Variants in DAPK2 observed in about 807,000 individuals in gnomAD.
DAPK2 encodes the protein death associated protein kinase 2.
A neutral mutation model predicts 44.1 loss-of-function variants in DAPK2; 35 were observed. The observed-to-expected ratio is 0.79, with a 90% CI of 0.61 to 1.05. The LOEUF (loss-of-function observed/expected upper bound fraction) is 1.05, where lower values mean the gene tolerates loss of function less well. Ranked by LOEUF, DAPK2 falls within the 50% of genes least tolerant of loss-of-function variation. DAPK2 has a pLI of 0.00. For missense variants in DAPK2, 453 were observed against 483.2 expected (o/e 0.94, Z 0.59); for synonymous variants, 174 against 182.6 (o/e 0.95, Z 0.38).
At chr15:63,969,599 G>A (rs980126275) in intron 3 of DAPK2, among the ~76,000 whole-genome samples, 2 of 152,126 alleles carry the variant, frequency 1.3e-5, no homozygotes, top group Non-Finnish European at 2.9e-5. Context: ...AAATTAGCCA[G>A]GTATGGTGGC....
At chr15:64,006,972 C>T (rs1464883930) in intron 1 of DAPK2, among the ~76,000 whole-genome samples, 1 of 152,214 alleles carries the variant, frequency 6.6e-6, no homozygotes, top group African/African-American at 2.4e-5. Context: ...AACCTTAACT[C>T]GGAAAAACCT....
intron 1 of DAPK2, among the ~76,000 whole-genome samples, chr15:64,021,782 T>C (rs2079690311): frequency 6.6e-6 from 1 of 152,022 alleles, no homozygotes; most frequent in African/African-American, 2.4e-5. Flanking sequence ...AGAGGAAGTA[T>C]TTTCACTGGA....
At chr15:64,033,813 CAGA>C (rs2080098556) in intron 1 of DAPK2, among the ~76,000 whole-genome samples, 1 of 151,596 alleles carries the variant, frequency 6.6e-6, no homozygotes, top group Non-Finnish European at 1.5e-5. Context: ...GAGGCTGAGG[CAGA>C]AGAATGGTGT....
intron 1 of DAPK2, among the ~76,000 whole-genome samples, chr15:64,002,878 GGGA>G (rs1451881225): frequency 4.6e-5 from 7 of 151,830 alleles, no homozygotes; most frequent in Non-Finnish European, 1.0e-4. Flanking sequence ...CAGCAGCAGA[GGGA>G]GGAGGAGAGA....
At chr15:63,987,594 C>T (rs1170863048) in intron 1 of DAPK2, among the ~76,000 whole-genome samples, 1 of 150,272 alleles carries the variant, frequency 6.7e-6, no homozygotes, top group African/African-American at 2.4e-5. Context: ...ATTCCTCGTC[C>T]TAATCTGCTA....
At chr15:63,982,481 C>T (rs2078549605) in intron 2 of DAPK2, among the ~76,000 whole-genome samples, 1 of 152,190 alleles carries the variant, frequency 6.6e-6, no homozygotes, top group Non-Finnish European at 1.5e-5. Flanking sequence ...AGCCACTGCA[C>T]CAGGCCAGAA....
rs1311533739 is a variant in DAPK2 at position 63,916,241 on chromosome 15, G to T, written c.859-4044C>A. 6.6e-6 allele frequency: 1 copy of T among 151,496 alleles called. No homozygotes were observed. The highest frequency in any genetic ancestry group is 1.5e-5 in the Non-Finnish European group (1 of 68,148). 9.4% of individuals were successfully genotyped at this position (151,496 alleles called of 1,614,324 possible). On this transcript the variant is annotated intron_variant, in intron 8 of 10. Transcript: ENST00000261891. The surrounding 1 kb of genome is among the most constrained non-coding windows in gnomAD (Gnocchi z 4.7). Reference sequence around the variant, plus strand: ...GTACCAACATCCACAGGCAGGGGCAGGAAGCAGCAGCCGCTGCTAAGGCAT... The same window carrying T: ...GTACCAACATCCACAGGCAGGGGCATGAAGCAGCAGCCGCTGCTAAGGCAT...
At chr15:63,983,160 C>T (rs1323352387) in intron 2 of DAPK2, among the ~76,000 whole-genome samples, 2 of 152,178 alleles carry the variant, frequency 1.3e-5, no homozygotes, top group African/African-American at 4.8e-5. Flanking sequence ...CGCTGACAGC[C>T]TCCCCTGGCC....
At chr15:63,991,467 C>T (rs1259303890) in intron 1 of DAPK2, 11 of 377,486 alleles carry the variant, frequency 2.9e-5, no homozygotes, top group Non-Finnish European at 5.7e-5. Context: ...TACTGTCTTT[C>T]TAGTTCCTTG....
At chr15:63,937,010 G>A (rs553757782) in intron 4 of DAPK2, among the ~76,000 whole-genome samples, 7 of 148,366 alleles carry the variant, frequency 4.7e-5, no homozygotes, top group South Asian at 2.1e-4. Context: ...ATCCAATTTT[G>A]TAGGAGGAGG....
chr15:63,913,041 A>G (rs1209954866), intron 8 of DAPK2, among the ~76,000 whole-genome samples: 2 of 152,176 alleles, frequency 1.3e-5, no homozygotes, highest in Non-Finnish European at 2.9e-5. Flanking sequence ...ATTGAGTCCA[A>G]TACATTTTAC....
At chr15:63,986,294 G>A (rs1487928017) in intron 1 of DAPK2, among the ~76,000 whole-genome samples, 1 of 152,228 alleles carries the variant, frequency 6.6e-6, no homozygotes, top group Non-Finnish European at 1.5e-5. Context: ...AGAGAATTGT[G>A]AAGACTGGAA....
intron 2 of DAPK2, among the ~76,000 whole-genome samples, chr15:63,975,713 C>T (rs2078326843): frequency 6.6e-6 from 1 of 152,130 alleles, no homozygotes; most frequent in South Asian, 2.1e-4. Flanking sequence ...ATTCTCAGGC[C>T]TCAGCCTCCT....
chr15:63,960,431 A>T (rs535987233), intron 3 of DAPK2, among the ~76,000 whole-genome samples: 177 of 152,108 alleles, frequency 1.2e-3, no homozygotes, highest in African/African-American at 3.9e-3. Context: ...TAGTTCTTTT[A>T]ATTGTGATGT....
At chr15:64,035,022 G>A (rs2080138322) in intron 1 of DAPK2, among the ~76,000 whole-genome samples, 1 of 152,134 alleles carries the variant, frequency 6.6e-6, no homozygotes, top group African/African-American at 2.4e-5. Flanking sequence ...ACAAAAATTA[G>A]CCAGGCATGG....
chr15:64,026,840 C>A (rs916604750), intron 1 of DAPK2, among the ~76,000 whole-genome samples: 4 of 152,198 alleles, frequency 2.6e-5, no homozygotes, highest in Non-Finnish European at 1.5e-5. Flanking sequence ...TCCCAACTGG[C>A]CTGGGTCGGG....
At position 63,912,211 on chromosome 15, in the gene DAPK2, C is replaced by G; in HGVS notation, c.859-14G>C. On this transcript the variant is annotated splice_polypyrimidine_tract_variant and intron_variant, in intron 8 of 10. Transcript: ENST00000261891. This position sits in a 1 kb window ranked among gnomAD's most constrained non-coding sequence, Gnocchi z 4.4. ...GTTGTCCACCGGCTGAGAGACAAAG[C>G]AGAGCATGGCAGCTGATGCTGGGCT... 1 of 1,613,474 alleles carries G rather than the reference C, an allele frequency of 6.2e-7. No homozygotes were observed. The highest frequency in any genetic ancestry group is 8.5e-7 in the Non-Finnish European group (1 of 1,179,736).
intron 1 of DAPK2, among the ~76,000 whole-genome samples, chr15:63,986,892 C>T (rs1342950515): frequency 6.6e-6 from 1 of 152,180 alleles, no homozygotes; most frequent in Non-Finnish European, 1.5e-5. Flanking sequence ...CTCCATTTCA[C>T]AAATGAAGAA....
intron 2 of DAPK2, among the ~76,000 whole-genome samples, chr15:63,981,520 AAGT>A (rs1286911537): frequency 6.6e-6 from 1 of 152,224 alleles, no homozygotes; most frequent in Non-Finnish European, 1.5e-5. Flanking sequence ...TTGGGGAAAA[AAGT>A]AGAGCAGGAA....
Sources: gnomAD v4.1 joint callset for allele counts (sites outside exome capture counted in the v4.1 genomes callset) on GRCh38, gnomAD v4.1.1 for gene constraint, Gnocchi (gnomAD v3.1) non-coding constraint, MANE v1.5 for transcripts, NCBI Gene and HGNC (gene_info 2026-07-23, HGNC 2026-07-21) for gene names.